LMF1: variants seen among roughly 807,000 people sequenced by gnomAD.
LMF1 encodes lipase maturation factor 1.
LMF1 carries 68 observed loss-of-function variants against 60.6 expected under a neutral mutation model. The ratio of observed to expected loss-of-function variants is 1.12; its 90% confidence interval spans 0.92 to 1.37. The LOEUF is 1.37. Among genes scored for constraint, LMF1 ranks in the 40% most tolerant of loss-of-function variants. LMF1 has a pLI of 0.00. For missense variants in LMF1, 948 were observed against 767.2 expected (o/e 1.24, Z -2.78); for synonymous variants, 418 against 324.7 (o/e 1.29, Z -3.09).
chr16:889,614 C>T (rs1312764891), intron 5 of LMF1, among the ~76,000 whole-genome samples: 2 of 152,148 alleles, frequency 1.3e-5, no homozygotes, highest in African/African-American at 4.8e-5. Flanking sequence ...GAAAGGGGCA[C>T]CCCCCTCTGA....
intron 2 of LMF1, among the ~76,000 whole-genome samples, chr16:940,409 C>T (rs769299108): frequency 3.3e-4 from 50 of 152,088 alleles, no homozygotes; most frequent in Non-Finnish European, 6.3e-4. Flanking sequence ...CGGGGACCAG[C>T]ATATCATGGA....
chr16:895,058 G>A (rs1056088518), intron 4 of LMF1, among the ~76,000 whole-genome samples: 1 of 152,158 alleles, frequency 6.6e-6, no homozygotes, highest in Non-Finnish European at 1.5e-5. Context: ...GAGGCCGCGG[G>A]GGGAGGCCCA....
intron 10 of LMF1, among the ~76,000 whole-genome samples, chr16:865,514 C>G (rs916217255): frequency 2.0e-5 from 3 of 152,042 alleles, no homozygotes; most frequent in African/African-American, 7.2e-5. Flanking sequence ...CATACTCGCT[C>G]ATTTTTTATT....
chr16:872,267 T>G (rs911184621), intron 6 of LMF1: 1 of 152,108 alleles, frequency 6.6e-6, no homozygotes, highest in South Asian at 2.1e-4. Flanking sequence ...GTCAGCCAGA[T>G]TTGATGCATC....
upstream of LMF1, among the ~76,000 whole-genome samples, chr16:974,336 G>T (rs1318380861): frequency 2.6e-5 from 4 of 152,142 alleles, no homozygotes; most frequent in East Asian, 7.7e-4. Context: ...CGTGGGCCCT[G>T]CCCTGAGCGC....
rs1567297563 is a variant in LMF1, at chr16:948,927, CGACAGAGTCAGAGCCAAG to C, written c.503+5412_503+5429del. Among the ~76,000 whole-genome samples, 130 of 74,076 alleles carry C rather than the reference CGACAGAGTCAGAGCCAAG, an allele frequency of 1.8e-3. 23 individuals carry two copies. Among genetic ancestry groups the C allele is most frequent in the African/African-American group, 2.9e-3 (30 of 10,230 alleles). 48.6% of individuals were successfully genotyped at this position (74,076 alleles called of 152,430 possible). A position where few individuals can be genotyped will look rare whatever the true frequency, so the allele number is the denominator to read the frequency against. On this transcript the variant is annotated intron_variant, in intron 2 of 10. Coordinates refer to ENST00000262301, the MANE Select transcript of LMF1 (RefSeq NM_022773.4). ...GTCAGCCAACGACAGAGTCAGCCAA[CGACAGAGTCAGAGCCAAG>C]GACAGAGTCAGAGCCAACGACAGAG...
At chr16:976,330 G>C (rs962837651) in intron 1 of LMF1, 3 of 454,064 alleles carry the variant, frequency 6.6e-6, no homozygotes, top group Non-Finnish European at 1.3e-5. Flanking sequence ...CAATGACCAG[G>C]AATCAGGCTG....
chr16:871,073 G>A lies in LMF1; in HGVS notation c.1078+88C>T, dbSNP rs1021991014. The A allele has an allele frequency of 2.2e-5, 32 of 1,437,746 alleles. 1 individual carries two copies. The highest frequency in any genetic ancestry group is 2.1e-4 in the African/African-American group (15 of 70,196). 89.1% of individuals were successfully genotyped at this position (1,437,746 alleles called of 1,614,324 possible). A position where few individuals can be genotyped will look rare whatever the true frequency, so the allele number is the denominator to read the frequency against. On this transcript the variant is annotated intron_variant, in intron 7 of 10. Coordinates refer to ENST00000262301, the MANE Select transcript of LMF1 (RefSeq NM_022773.4). ...GCGCTGACTCTCCTCCTACCCTGGCGTCCCCAACCCACACGGGCAGGCTGT... is the reference window on the plus strand; with the variant it reads ...GCGCTGACTCTCCTCCTACCCTGGCATCCCCAACCCACACGGGCAGGCTGT...
At chr16:898,365 C>G (rs2070720308) in intron 4 of LMF1, among the ~76,000 whole-genome samples, 1 of 152,252 alleles carries the variant, frequency 6.6e-6, no homozygotes, top group Admixed American at 6.5e-5. Flanking sequence ...GGGACCCACG[C>G]TGCGGGCAGG....
chr16:947,750 A>G (rs2151459221), intron 2 of LMF1: 1 of 361,952 alleles, frequency 2.8e-6, no homozygotes, highest in South Asian at 2.1e-5. Flanking sequence ...CGCGGATGAC[A>G]GTCAGAGCCA....
intron 1 of LMF1, chr16:976,549 A>C (rs1378629517): frequency 2.2e-6 from 1 of 453,954 alleles, no homozygotes; most frequent in Non-Finnish European, 4.4e-6. Context: ...TTGGGGCCCC[A>C]GGGCTCCTGC....
intron 1 of LMF1, among the ~76,000 whole-genome samples, chr16:977,654 C>T (rs1162127992): frequency 6.7e-6 from 1 of 149,882 alleles, no homozygotes; most frequent in Non-Finnish European, 1.5e-5. Flanking sequence ...GGCTGCCTGC[C>T]GCAGGAGGAG....
chr16:970,539 G>C (rs1596177115), intron 1 of LMF1, among the ~76,000 whole-genome samples: 1 of 152,266 alleles, frequency 6.6e-6, no homozygotes, highest in South Asian at 2.1e-4. Flanking sequence ...TCGGGGCTGC[G>C]GGTGGAACCG....
chr16:951,360 A>G (rs1329303243), intron 2 of LMF1, among the ~76,000 whole-genome samples: 3 of 152,234 alleles, frequency 2.0e-5, no homozygotes, highest in Non-Finnish European at 4.4e-5. Context: ...AGTCAGAGCC[A>G]ACGATGGAGT....
At chr16:963,124 C>T (rs1319108534) in intron 1 of LMF1, among the ~76,000 whole-genome samples, 3 of 151,960 alleles carry the variant, frequency 2.0e-5, no homozygotes, top group African/African-American at 7.3e-5. Context: ...AGGCTGGACA[C>T]AGGGTGGACA....
In LMF1 at chr16:879,597, G is replaced by A. The variant is rs756988851; in HGVS notation, c.870C>T (p.Ile290=). ...GGAACAGGATCTGCAGCACCCCGTG[G>A]ATGATGCACGCCCGCCGGCCGAGGA... ...FLFLGRRACI[I]HGVLQILFQA... The change falls in exon 6 of 11, where the codon ATC becomes ATT. Residue 290 remains isoleucine, a synonymous_variant. Coordinates refer to ENST00000262301, the MANE Select transcript of LMF1 (RefSeq NM_022773.4). The A allele has an allele frequency of 1.2e-6, 2 of 1,613,188 alleles. No homozygotes were observed. Among genetic ancestry groups the A allele is most frequent in the Non-Finnish European group, 8.5e-7 (1 of 1,179,740 alleles).
Position 870,988 on chromosome 16 carries a change from C to T in LMF1, c.1079-106G>A, listed in dbSNP as rs968887137. The T allele has an allele frequency of 4.8e-5, 70 of 1,455,548 alleles. No individual in the cohort carries two copies. The Admixed American group carries it at 6.1e-4, about 13-fold the overall frequency. 90.2% of individuals were successfully genotyped at this position (1,455,548 alleles called of 1,614,324 possible). ...CCTAAGGGTCAGCTGTCCTGGGTCC[C>T]GGGGACGGAGCAGCACCCGAACTCA... On this transcript the variant is annotated intron_variant, in intron 7 of 10. Transcript: ENST00000262301.
In LMF1 at chr16:854,036, TGGG is replaced by T. The variant is rs1567125297; in HGVS notation, c.*493_*495del. On this transcript the variant is annotated 3_prime_UTR_variant, in exon 11 of 11. Coordinates refer to ENST00000262301, the MANE Select transcript of LMF1 (RefSeq NM_022773.4). ...CTGGCCGGGCGTGTCCAGGTCCCTG[TGGG>T]GCGAGGGTTTGGCTGCCCCAGACGT... 1 of 454,714 alleles carries T rather than the reference TGGG, an allele frequency of 2.2e-6. No homozygotes were observed. Among genetic ancestry groups the T allele is most frequent in the East Asian group, 6.9e-5 (1 of 14,394 alleles). 28.2% of individuals were successfully genotyped at this position (454,714 alleles called of 1,614,324 possible). A position where few individuals can be genotyped will look rare whatever the true frequency, so the allele number is the denominator to read the frequency against.
At chr16:860,128 T>G (rs965416472) in intron 10 of LMF1, among the ~76,000 whole-genome samples, 1 of 152,050 alleles carries the variant, frequency 6.6e-6, no homozygotes, top group Non-Finnish European at 1.5e-5. Context: ...TCTTTACATA[T>G]TCCAGATTTT....
Sources: gnomAD v4.1 joint callset for allele counts (sites outside exome capture counted in the v4.1 genomes callset) on GRCh38, gnomAD v4.1.1 for gene constraint, MANE v1.5 for transcripts, NCBI Gene and HGNC (gene_info 2026-07-23, HGNC 2026-07-21) for gene names.